The following PDGFD variants were observed in gnomAD, a reference collection of about 807,000 sequenced individuals.
PDGFD encodes the protein platelet-derived growth factor D.
In PDGFD, 30 loss-of-function variants were observed where a neutral mutation model predicts 44.7. That is an observed-to-expected ratio of 0.67 (90% CI 0.50 to 0.91). The LOEUF is 0.91. Among genes scored for constraint, PDGFD ranks in the 40% least tolerant of loss-of-function variants. The pLI, the probability that PDGFD is intolerant of heterozygous loss-of-function variation, is 0.00. For missense variants in PDGFD, 445 were observed against 457.8 expected, an observed-to-expected ratio of 0.97 and a Z score of 0.25; for synonymous variants, 173 against 168.4, an observed-to-expected ratio of 1.03 and a Z score of -0.21.
chr11:103,915,378 TAC>T (rs1191039266), intron 6 of PDGFD, among the ~76,000 whole-genome samples: 2 of 152,068 alleles, frequency 1.3e-5, no homozygotes, highest in Non-Finnish European at 2.9e-5. Context: ...TACCTAGGAA[TAC>T]AACTTACAAG....
At chr11:103,910,970 A>G (rs904307936) in intron 6 of PDGFD, among the ~76,000 whole-genome samples, 11 of 152,322 alleles carry the variant, frequency 7.2e-5, no homozygotes, top group Middle Eastern at 6.8e-3. Context: ...GCTACTGGGA[A>G]GTTTGAATGG....
chr11:103,986,537 G>A (rs558997820), intron 3 of PDGFD, among the ~76,000 whole-genome samples: 5 of 152,214 alleles, frequency 3.3e-5, no homozygotes, highest in South Asian at 4.2e-4. Flanking sequence ...CTTGGAAAGC[G>A]CCTTTGCAAA....
intron 1 of PDGFD, among the ~76,000 whole-genome samples, chr11:104,136,510 T>C (rs1362195009): frequency 6.6e-6 from 1 of 152,168 alleles, no homozygotes; most frequent in Non-Finnish European, 1.5e-5. Context: ...CTTCTGGGGA[T>C]TGGGACTTGT....
intron 3 of PDGFD, among the ~76,000 whole-genome samples, chr11:103,973,767 C>T (rs544370960): frequency 1.6e-4 from 25 of 152,196 alleles, no homozygotes; most frequent in African/African-American, 5.5e-4. Flanking sequence ...TATGAACATG[C>T]CCCACATAAT....
At chr11:103,965,311 T>C (rs1858999915) in intron 3 of PDGFD, among the ~76,000 whole-genome samples, 1 of 152,268 alleles carries the variant, frequency 6.6e-6, no homozygotes, top group East Asian at 1.9e-4. Context: ...AATGGATTCA[T>C]TTAGAGAAGA....
chr11:103,970,962 G>T (rs1417080423), intron 3 of PDGFD, among the ~76,000 whole-genome samples: 1 of 152,140 alleles, frequency 6.6e-6, no homozygotes, highest in Non-Finnish European at 1.5e-5. Context: ...AGTATTCAAA[G>T]ATATACCTCT....
intron 1 of PDGFD, among the ~76,000 whole-genome samples, chr11:104,115,299 A>G (rs1861618216): frequency 1.3e-5 from 2 of 149,830 alleles, no homozygotes; most frequent in African/African-American, 4.9e-5. Context: ...ATATATGACT[A>G]TATATGATGG....
chr11:104,108,292 T>C (rs1273268742), intron 1 of PDGFD, among the ~76,000 whole-genome samples: 1 of 152,078 alleles, frequency 6.6e-6, no homozygotes, highest in Non-Finnish European at 1.5e-5. Context: ...AAAACATTTT[T>C]GCAATCTACT....
chr11:104,065,987 G>A (rs1278219341), intron 1 of PDGFD, among the ~76,000 whole-genome samples: 3 of 152,220 alleles, frequency 2.0e-5, no homozygotes, highest in South Asian at 2.1e-4. Context: ...CAAATATCTG[G>A]TTGATTAACT....
At chr11:104,080,022 T>C (rs1413659054) in intron 1 of PDGFD, among the ~76,000 whole-genome samples, 2 of 152,200 alleles carry the variant, frequency 1.3e-5, no homozygotes, top group Admixed American at 6.5e-5. Context: ...TGCATACCAA[T>C]GTGGCTGAAA....
At chr11:103,910,057 G>A (rs1346561046) in intron 6 of PDGFD, among the ~76,000 whole-genome samples, 1 of 151,096 alleles carries the variant, frequency 6.6e-6, no homozygotes, top group Non-Finnish European at 1.5e-5. Context: ...TAACTTACCT[G>A]AAGTACCCAG....
chr11:103,940,618 T>A (rs943087647), intron 5 of PDGFD, among the ~76,000 whole-genome samples: 5 of 152,148 alleles, frequency 3.3e-5, no homozygotes, highest in Admixed American at 2.0e-4. Flanking sequence ...TATTTTTAAG[T>A]TCTCAAAGCA....
intron 1 of PDGFD, among the ~76,000 whole-genome samples, chr11:104,054,836 G>A (rs954376607): frequency 3.9e-5 from 6 of 152,140 alleles, no homozygotes; most frequent in Non-Finnish European, 8.8e-5. Flanking sequence ...GACAGTAATG[G>A]TGCCAGGGTA....
At chr11:104,001,604 T>C (rs1165214371) in intron 1 of PDGFD, among the ~76,000 whole-genome samples, 1 of 152,196 alleles carries the variant, frequency 6.6e-6, no homozygotes, top group Non-Finnish European at 1.5e-5. Context: ...TAACTCCCGG[T>C]AGTTTTCATC....
At chr11:104,150,850 C>T (rs1862233467) in intron 1 of PDGFD, among the ~76,000 whole-genome samples, 1 of 152,130 alleles carries the variant, frequency 6.6e-6, no homozygotes, top group African/African-American at 2.4e-5. Context: ...ATCTCAAGAT[C>T]CTTAAGTAAA....
At chr11:103,987,628 A>C (rs1039384466) in intron 3 of PDGFD, among the ~76,000 whole-genome samples, 1 of 152,140 alleles carries the variant, frequency 6.6e-6, no homozygotes, top group Non-Finnish European at 1.5e-5. Context: ...CTTAAGCTTT[A>C]GTATTTCTTG....
intron 6 of PDGFD, among the ~76,000 whole-genome samples, chr11:103,917,432 A>G (rs371005777): frequency 6.6e-6 from 1 of 152,314 alleles, no homozygotes; most frequent in East Asian, 1.9e-4. Flanking sequence ...GTTTTCTAAT[A>G]TACATAGTCA....
intron 1 of PDGFD, among the ~76,000 whole-genome samples, chr11:104,114,508 G>C (rs772445901): frequency 1.3e-5 from 2 of 151,986 alleles, no homozygotes; most frequent in African/African-American, 2.4e-5. Context: ...TTTATAGGTA[G>C]TCTTTAAGTT....
At chr11:104,055,527 TATC>T (rs1860605760) in intron 1 of PDGFD, among the ~76,000 whole-genome samples, 1 of 152,218 alleles carries the variant, frequency 6.6e-6, no homozygotes, top group Non-Finnish European at 1.5e-5. Context: ...GTAAGGTAAT[TATC>T]ATTCTTTAGC....
Sources: gnomAD v4.1 joint callset for allele counts (sites outside exome capture counted in the v4.1 genomes callset) on GRCh38, gnomAD v4.1.1 for gene constraint, MANE v1.5 for transcripts, NCBI Gene and HGNC (gene_info 2026-07-23, HGNC 2026-07-21) for gene names.